The following EPB41 variants were observed in gnomAD, a reference collection of about 807,000 sequenced individuals.
EPB41 encodes erythrocyte membrane protein band 4.1.
Under a neutral mutation model 108.0 loss-of-function variants are expected in EPB41, and 65 were observed. The observed-to-expected ratio is 0.60, with a 90% CI of 0.49 to 0.74. EPB41 has a LOEUF of 0.74. EPB41 is among the 30% of genes least tolerant of loss of function. The pLI is 0.00. For synonymous variants in EPB41, 336 were observed against 358.9 expected (o/e 0.94, Z 0.72); for missense variants, 875 against 1,037.0 (o/e 0.84, Z 2.15).
intron 16 of EPB41, chr1:29,069,478 C>T (rs1412843703): frequency 8.3e-7 from 1 of 1,197,800 alleles, no homozygotes. Flanking sequence ...CTTGGAGGGA[C>T]ATTATAAACT....
At chr1:29,049,020 A>G (rs1471076257) in intron 11 of EPB41, among the ~76,000 whole-genome samples, 3 of 152,126 alleles carry the variant, frequency 2.0e-5, no homozygotes, top group South Asian at 4.2e-4. Context: ...TCTGTAAGCT[A>G]GAGATGGTGT....
rs575479530 is a variant in EPB41 at position 28,938,739 on chromosome 1, C to T, written c.-8+23971C>T. ...TGAGAGACTAGGTTTCGCCATGTTG[C>T]CCAGGCTGGTCTCAAACTCCTGGGC... On this transcript the variant is annotated intron_variant, in intron 1 of 20. Coordinates refer to ENST00000343067, the MANE Select transcript of EPB41 (RefSeq NM_001376013.1). 1.5e-4 allele frequency among the ~76,000 whole-genome samples: 23 copies of T among 152,078 alleles called. No homozygotes were observed. The East Asian group carries it at 3.9e-3, about 26-fold the overall frequency.
intron 15 of EPB41, 144 bp from the exon 16 acceptor site, chr1:29,064,838 A>G: frequency 4.8e-6 from 5 of 1,032,562 alleles, no homozygotes; most frequent in Non-Finnish European, 5.6e-6. Flanking sequence ...CATGTTGTAT[A>G]TTTATAATCT....
intron 1 of EPB41, among the ~76,000 whole-genome samples, chr1:28,930,150 CTTT>C (rs772932485): frequency 1.6e-5 from 2 of 122,632 alleles, no homozygotes; most frequent in Non-Finnish European, 1.7e-5. Context: ...ATGTTGCTTC[CTTT>C]TTTTTTTTTT....
chr1:28,912,431 C>T (rs964499142), upstream of EPB41, among the ~76,000 whole-genome samples: 1 of 152,042 alleles, frequency 6.6e-6, no homozygotes, highest in East Asian at 1.9e-4. Flanking sequence ...ATTTACATAA[C>T]GTGCTCAGCT....
At chr1:29,079,886 A>G (rs1408354922) in intron 16 of EPB41, among the ~76,000 whole-genome samples, 1 of 151,738 alleles carries the variant, frequency 6.6e-6, no homozygotes, top group South Asian at 2.1e-4. Flanking sequence ...AGTTCCAGCT[A>G]CTCGGGAGGC....
At chr1:28,888,069 C>A (rs1035496643) in intron 1 of EPB41, among the ~76,000 whole-genome samples, 2 of 152,226 alleles carry the variant, frequency 1.3e-5, no homozygotes, top group Non-Finnish European at 2.9e-5. Flanking sequence ...CCTGTCCAGA[C>A]CAACCCGAGC....
chr1:28,892,585 T>C (rs948211103), intron 1 of EPB41, among the ~76,000 whole-genome samples: 2 of 151,566 alleles, frequency 1.3e-5, no homozygotes, highest in African/African-American at 4.9e-5. Context: ...CACGGTGGCA[T>C]GCGCCTATAA....
At chr1:28,949,237 A>AGTTT (rs774798482) in intron 1 of EPB41, among the ~76,000 whole-genome samples, 18 of 152,204 alleles carry the variant, frequency 1.2e-4, no homozygotes, top group East Asian at 7.7e-4. Flanking sequence ...TGAGCTCAGG[A>AGTTT]GTTTGGGACC....
In EPB41 at chr1:28,992,732, T is replaced by C. The variant is rs114286986; in HGVS notation, c.469-598T>C. Among the ~76,000 whole-genome samples the C allele has an allele frequency of 7.2e-3, 1,099 of 152,256 alleles. 16 individuals carry two copies. The highest frequency in any genetic ancestry group is 0.023 in the African/African-American group (949 of 41,550). ...AAAATGTTATCCTACTTATCGGTATTATTTGGGGATAATTTAAGATTGCAC... is the reference window on the plus strand; with the variant it reads ...AAAATGTTATCCTACTTATCGGTATCATTTGGGGATAATTTAAGATTGCAC... On this transcript the variant is annotated intron_variant, in intron 2 of 20. Transcript: ENST00000343067.
At chr1:29,023,718 T>G (rs2096677435) in intron 7 of EPB41, among the ~76,000 whole-genome samples, 1 of 151,734 alleles carries the variant, frequency 6.6e-6, no homozygotes, top group South Asian at 2.1e-4. Flanking sequence ...AAAAGCTCTT[T>G]AGGGTCCTCA....
intron 16 of EPB41, chr1:29,070,248 G>A: frequency 2.4e-6 from 2 of 822,078 alleles, no homozygotes; most frequent in Non-Finnish European, 3.3e-6. Context: ...AATGAAGAGT[G>A]TCTAAAAGAT....
chr1:29,044,014 G>A (rs749662409), intron 11 of EPB41, among the ~76,000 whole-genome samples: 2 of 152,100 alleles, frequency 1.3e-5, no homozygotes, highest in Non-Finnish European at 2.9e-5. Context: ...GCAGAGTTGG[G>A]GATATGGAAA....
At chr1:29,059,746 C>T (rs1646181293) in intron 14 of EPB41, among the ~76,000 whole-genome samples, 1 of 152,160 alleles carries the variant, frequency 6.6e-6, no homozygotes, top group Admixed American at 6.6e-5. Flanking sequence ...CCACTACATT[C>T]CAGCCTAGGT....
chr1:29,086,555 A>G (rs886883989), intron 16 of EPB41, among the ~76,000 whole-genome samples: 4 of 152,118 alleles, frequency 2.6e-5, no homozygotes, highest in African/African-American at 9.7e-5. Context: ...TACAGGCATG[A>G]GCCACCGCGC....
At chr1:28,969,230 A>AAT (rs1383778196) in intron 1 of EPB41, among the ~76,000 whole-genome samples, 9 of 151,178 alleles carry the variant, frequency 6.0e-5, no homozygotes, top group Non-Finnish European at 1.2e-4. Context: ...GATTACAGGC[A>AAT]CCCACCACCA....
chr1:28,970,858 CT>C (rs753995688), intron 1 of EPB41, among the ~76,000 whole-genome samples: 4 of 152,066 alleles, frequency 2.6e-5, no homozygotes, highest in Non-Finnish European at 5.9e-5. Flanking sequence ...CATTTACTCT[CT>C]TTTTTTGGAG....
chr1:28,958,820 A>C (rs2095068706), intron 1 of EPB41, among the ~76,000 whole-genome samples: 1 of 80,724 alleles, frequency 1.2e-5, no homozygotes, highest in South Asian at 4.4e-4. Context: ...CCCTGTCTCC[A>C]AAAAAAAAAA....
At chr1:28,988,351 T>G (rs975304318) in intron 2 of EPB41, among the ~76,000 whole-genome samples, 1 of 152,162 alleles carries the variant, frequency 6.6e-6, no homozygotes. Flanking sequence ...TCATAAAGCT[T>G]TATAGTTTCT....
Sources: gnomAD v4.1 joint callset for allele counts (sites outside exome capture counted in the v4.1 genomes callset) on GRCh38, gnomAD v4.1.1 for gene constraint, MANE v1.5 for transcripts, NCBI Gene and HGNC (gene_info 2026-07-23, HGNC 2026-07-21) for gene names.